The following EML1 variants were observed in gnomAD, a reference collection of about 807,000 sequenced individuals.
The protein encoded by EML1 is echinoderm microtubule-associated protein-like 1.
Under a neutral mutation model 110.4 loss-of-function variants are expected in EML1, and 27 were observed. The observed-to-expected ratio is 0.24, with a 90% CI of 0.18 to 0.34. The LOEUF is 0.34. Ranked by LOEUF, EML1 falls within the 10% of genes least tolerant of loss-of-function variation. EML1 has a pLI of 1.00. For synonymous variants in EML1, 344 were observed against 385.8 expected (o/e 0.89, Z 1.27); for missense variants, 741 against 1,030.9 (o/e 0.72, Z 3.85).
chr14:99,869,701 GGGA>G (rs2059161844), intron 3 of EML1, among the ~76,000 whole-genome samples: 1 of 152,058 alleles, frequency 6.6e-6, no homozygotes, highest in African/African-American at 2.4e-5. Context: ...AGATGGGCCT[GGGA>G]GGAGGTGTTT....
intron 4 of EML1, among the ~76,000 whole-genome samples, chr14:99,887,021 G>A (rs1015768995): frequency 1.3e-5 from 2 of 152,236 alleles, no homozygotes; most frequent in African/African-American, 4.8e-5. Context: ...CCGCACTGGT[G>A]TCTGTTGGTG....
intron 4 of EML1, 85 bp from the exon 5 acceptor site, chr14:99,891,114 T>G: frequency 6.6e-7 from 1 of 1,516,928 alleles, no homozygotes; most frequent in Non-Finnish European, 9.1e-7. Context: ...GGCAGACTAC[T>G]GCAGCCGTGG....
intron 9 of EML1, among the ~76,000 whole-genome samples, chr14:99,906,348 CGAGG>C (rs1338260943): frequency 6.6e-6 from 1 of 152,160 alleles, no homozygotes; most frequent in African/African-American, 2.4e-5. Context: ...AGAGCAGCCC[CGAGG>C]GCTGCTGGTT....
At chr14:99,775,843 G>C (rs527599718) in intron 1 of EML1, among the ~76,000 whole-genome samples, 1 of 152,164 alleles carries the variant, frequency 6.6e-6, no homozygotes, top group Admixed American at 6.5e-5. Context: ...AGCAATTCAA[G>C]GTCATTTCAA....
intron 16 of EML1, 86 bp from the exon 17 acceptor site, chr14:99,920,703 T>C (rs1191061584): frequency 1.9e-6 from 2 of 1,051,060 alleles, no homozygotes; most frequent in Non-Finnish European, 2.7e-6. Flanking sequence ...GCTTTTATGA[T>C]TAACAATTTT....
intron 16 of EML1, among the ~76,000 whole-genome samples, chr14:99,919,330 AG>A (rs2060087390): frequency 6.6e-6 from 1 of 152,082 alleles, no homozygotes; most frequent in Non-Finnish European, 1.5e-5. Flanking sequence ...TGCAGGTCAT[AG>A]GTAGCAATAT....
intron 1 of EML1, among the ~76,000 whole-genome samples, chr14:99,838,672 G>A (rs949766811): frequency 3.9e-5 from 6 of 152,052 alleles, no homozygotes; most frequent in African/African-American, 1.4e-4. Flanking sequence ...CCAGAGCCTG[G>A]TGAGCCACCC....
intron 2 of EML1, 142 bp downstream of exon 2, chr14:99,851,177 T>A: frequency 1.1e-6 from 1 of 916,310 alleles, no homozygotes. Context: ...ACTGTCAACA[T>A]AATCACACGA....
intron 1 of EML1, among the ~76,000 whole-genome samples, chr14:99,804,856 T>C (rs1437618401): frequency 6.6e-6 from 1 of 152,170 alleles, no homozygotes; most frequent in Non-Finnish European, 1.5e-5. Flanking sequence ...CCCCCGGAAG[T>C]TCCCCATGAC....
At chr14:99,775,949 A>G (rs2057477626) in intron 1 of EML1, among the ~76,000 whole-genome samples, 1 of 152,224 alleles carries the variant, frequency 6.6e-6, no homozygotes, top group South Asian at 2.1e-4. Context: ...GGAATTTTAC[A>G]GCACAATTTC....
chr14:99,801,703 C>T (rs2057885062), intron 1 of EML1, among the ~76,000 whole-genome samples: 1 of 152,156 alleles, frequency 6.6e-6, no homozygotes, highest in South Asian at 2.1e-4. Context: ...GGATTCTGCA[C>T]CCCAAACGTC....
rs780726898 is a variant in EML1, at chr14:99,891,080, G to A, written c.519-119G>A. The A allele has an allele frequency of 1.5e-4, 175 of 1,149,086 alleles. 2 individuals are homozygous for A. Among genetic ancestry groups the A allele is most frequent in the South Asian group, 7.4e-4 (53 of 72,000 alleles). 71.2% of individuals were successfully genotyped at this position (1,149,086 alleles called of 1,614,324 possible). A position where few individuals can be genotyped will look rare whatever the true frequency, so the allele number is the denominator to read the frequency against. On this transcript the variant is annotated intron_variant, in intron 4 of 21. Transcript: ENST00000262233. ...TTGGTGGTGTTTTTCTTATTAACGTGTATAACTTATGCAGCATTTGTGTGG... is the reference window on the plus strand; with the variant it reads ...TTGGTGGTGTTTTTCTTATTAACGTATATAACTTATGCAGCATTTGTGTGG...
chr14:99,888,895 GA>G (rs2059531316), intron 4 of EML1, among the ~76,000 whole-genome samples: 1 of 152,140 alleles, frequency 6.6e-6, no homozygotes, highest in African/African-American at 2.4e-5. Context: ...GGACTGGCAG[GA>G]GAGTTCAGAG....
At chr14:99,834,500 C>T (rs2058508975) in intron 1 of EML1, among the ~76,000 whole-genome samples, 1 of 152,044 alleles carries the variant, frequency 6.6e-6, no homozygotes, top group Non-Finnish European at 1.5e-5. Flanking sequence ...TGGGATTTCA[C>T]CATATTGGTT....
At chr14:99,829,554 A>G (rs1018053642) in intron 1 of EML1, among the ~76,000 whole-genome samples, 1 of 152,186 alleles carries the variant, frequency 6.6e-6, no homozygotes, top group African/African-American at 2.4e-5. Context: ...TTGTGCAACC[A>G]TCACCACTCT....
At chr14:99,754,322 C>T (rs1196106775) in intron 1 of EML1, among the ~76,000 whole-genome samples, 9 of 152,192 alleles carry the variant, frequency 5.9e-5, no homozygotes, top group African/African-American at 2.2e-4. Flanking sequence ...AAGGAGGGGG[C>T]CCCATCTCCC....
In EML1 at chr14:99,883,923, G is replaced by A. The variant is rs76958443; in HGVS notation, c.518+5304G>A. On this transcript the variant is annotated intron_variant, in intron 4 of 21. Transcript: ENST00000262233. ...AGTAGGTGCTCAACAAGCATTAGTC[G>A]AATGAATCTTTTTGCCCTGATCACT... is the stretch of plus-strand genomic sequence containing the variant. Among the ~76,000 whole-genome samples, 18 of 152,300 alleles carry A rather than the reference G, an allele frequency of 1.2e-4. No individual in the cohort carries two copies. The East Asian group carries it at 2.5e-3, about 21-fold the overall frequency.
intron 1 of EML1, among the ~76,000 whole-genome samples, chr14:99,819,224 G>A (rs968691553): frequency 1.3e-5 from 2 of 152,020 alleles, no homozygotes; most frequent in Non-Finnish European, 2.9e-5. Context: ...CAAGGTGTGG[G>A]GACTACAGGC....
intron 4 of EML1, among the ~76,000 whole-genome samples, chr14:99,885,601 C>A (rs1191108): frequency 0.9 from 136,551 of 152,242 alleles, 61,286 homozygotes; most frequent in East Asian, 1. Context: ...ATGAGACTTA[C>A]GCATTTTTTA....
Sources: allele counts gnomAD v4.1 joint callset (sites outside exome capture counted in the v4.1 genomes callset), GRCh38; gene constraint gnomAD v4.1.1; transcripts MANE v1.5; gene names NCBI Gene and HGNC (gene_info 2026-07-23, HGNC 2026-07-21).